Variants in MRPL13 observed in about 807,000 individuals in gnomAD.
The protein encoded by MRPL13 is large ribosomal subunit protein uL13m.
MRPL13 carries 33 observed loss-of-function variants against 29.0 expected under a neutral mutation model. That is an observed-to-expected ratio of 1.14 (90% CI 0.86 to 1.52). The LOEUF (loss-of-function observed/expected upper bound fraction) is 1.52, where lower values mean the gene tolerates loss of function less well. MRPL13 is among the 40% of genes most tolerant of loss of function. The pLI is 0.00. For synonymous variants in MRPL13, 77 were observed against 68.4 expected (o/e 1.13, Z -0.62); for missense variants, 227 against 216.7 (o/e 1.05, Z -0.30).
rs1318042559 is a variant in MRPL13 at position 120,445,104 on chromosome 8, C to T, written c.-10G>A. 2 of 1,613,860 alleles carry T rather than the reference C, an allele frequency of 1.2e-6. No homozygotes were observed. The highest frequency in any genetic ancestry group is 4.5e-5 in the East Asian group (2 of 44,688). On this transcript the variant is annotated 5_prime_UTR_variant, in exon 1 of 7. Transcript: ENST00000306185. The stretch of plus-strand genomic sequence containing the variant: ...TAGAGAAACTCGACATATTCCTCTA[C>T]TAGCAGGACCGTACGTCCTTCTCCT...
chr8:120,437,118 T>C lies in MRPL13; in HGVS notation c.152-4995A>G, dbSNP rs572204473. ...TCCTTCAGTGCTTTGTAGGATGATA[T>C]TCTAGGAGTGAGGTGAAGTATAAAT... On this transcript the variant is annotated intron_variant, in intron 2 of 6. Coordinates refer to ENST00000306185, the MANE Select transcript of MRPL13 (RefSeq NM_014078.6). 2.6e-4 allele frequency among the ~76,000 whole-genome samples: 40 copies of C among 152,280 alleles called. No individual in the cohort carries two copies. The South Asian group carries it at 8.1e-3, about 31-fold the overall frequency.
intron 2 of MRPL13, among the ~76,000 whole-genome samples, chr8:120,436,504 GT>G (rs919994941): frequency 8.6e-5 from 13 of 151,928 alleles, no homozygotes; most frequent in Admixed American, 3.3e-4. Context: ...TAGATTGTTT[GT>G]TTTTTTACTG....
intron 2 of MRPL13, among the ~76,000 whole-genome samples, chr8:120,438,815 C>T (rs549567139): frequency 5.3e-5 from 8 of 152,094 alleles, no homozygotes; most frequent in Non-Finnish European, 8.8e-5. Context: ...TTAGTTTACT[C>T]GACTGTCAAT....
intron 6 of MRPL13, among the ~76,000 whole-genome samples, chr8:120,413,315 T>C (rs1812762106): frequency 1.3e-5 from 2 of 152,156 alleles, no homozygotes; most frequent in Non-Finnish European, 2.9e-5. Context: ...GAAAGACAGA[T>C]AGTAAACAGA....
intron 6 of MRPL13, among the ~76,000 whole-genome samples, chr8:120,399,697 C>G (rs1385025683): frequency 6.6e-6 from 1 of 152,186 alleles, no homozygotes. Flanking sequence ...CACAGAATGG[C>G]AAACCGGATA....
intron 5 of MRPL13, chr8:120,415,616 T>C (rs1586921362): frequency 6.6e-6 from 1 of 152,168 alleles, no homozygotes; most frequent in Non-Finnish European, 1.5e-5. Context: ...ATAGGCTGGG[T>C]CACTATCAAC....
intron 2 of MRPL13, among the ~76,000 whole-genome samples, chr8:120,440,809 A>G (rs1264012308): frequency 6.6e-6 from 1 of 151,986 alleles, no homozygotes; most frequent in Non-Finnish European, 1.5e-5. Context: ...CAGAAATTTC[A>G]TTTGGAAAAG....
intron 2 of MRPL13, among the ~76,000 whole-genome samples, chr8:120,434,527 T>G (rs1462494697): frequency 6.6e-6 from 1 of 152,116 alleles, no homozygotes; most frequent in Admixed American, 6.6e-5. Context: ...CAAAGGCAGA[T>G]CTTACCATTT....
At chr8:120,398,484 A>G (rs1258125833) in intron 6 of MRPL13, among the ~76,000 whole-genome samples, 1 of 152,198 alleles carries the variant, frequency 6.6e-6, no homozygotes, top group Non-Finnish European at 1.5e-5. Flanking sequence ...GACCCCACAA[A>G]ACCCCACTGA....
At chr8:120,440,475 T>C (rs1240619111) in intron 2 of MRPL13, among the ~76,000 whole-genome samples, 5 of 151,868 alleles carry the variant, frequency 3.3e-5, no homozygotes, top group Non-Finnish European at 7.4e-5. Context: ...TGTGGTGGCA[T>C]ATGCCTGTAA....
At chr8:120,414,249 A>T in intron 5 of MRPL13, 137 bp from the exon 6 acceptor site, 1 of 703,482 alleles carries the variant, frequency 1.4e-6, no homozygotes. Context: ...CTTTAAAATA[A>T]AAACCTTATA....
chr8:120,418,563 T>C (rs1296212585), intron 5 of MRPL13, among the ~76,000 whole-genome samples: 1 of 152,122 alleles, frequency 6.6e-6, no homozygotes, highest in East Asian at 1.9e-4. Flanking sequence ...CAATTCACTT[T>C]TGGGAACTAG....
At chr8:120,404,255 A>G (rs79351828) in intron 6 of MRPL13, among the ~76,000 whole-genome samples, 107 of 152,328 alleles carry the variant, frequency 7.0e-4, no homozygotes, top group African/African-American at 2.4e-3. Flanking sequence ...AGAAGTCTGC[A>G]ACTCCACTCA....
At position 120,425,351 on chromosome 8, in the gene MRPL13, A is replaced by G; in HGVS notation, c.261T>C (p.Phe87=). The change falls in exon 4 of 7, where the codon TTT becomes TTC. Residue 87 remains phenylalanine, a synonymous_variant. Coordinates refer to ENST00000306185, the MANE Select transcript of MRPL13 (RefSeq NM_014078.6). The part of the protein sequence containing the change: ...YSSHTGYPGG[F]RQVTAAQLHL... ...GAAGCTGAGCAGCTGTTACTTGTCT[A>G]AATCCACCTGGGTAGCTGTTAAAAG... is the stretch of plus-strand genomic sequence containing the variant. 6.2e-7 allele frequency: 1 copy of G among 1,612,524 alleles called. No homozygotes were observed.
At chr8:120,400,697 AAAATAAATAAATAAATAAAT>A (rs199590776) in intron 6 of MRPL13, among the ~76,000 whole-genome samples, 6 of 132,068 alleles carry the variant, frequency 4.5e-5, no homozygotes, top group African/African-American at 5.8e-5. Context: ...GGTTTTTTGG[AAAATAAATAAATAAATAAAT>A]AAATAAATAA....
intron 6 of MRPL13, among the ~76,000 whole-genome samples, chr8:120,405,883 A>C (rs1812660569): frequency 1.3e-5 from 2 of 152,222 alleles, no homozygotes; most frequent in African/African-American, 4.8e-5. Context: ...CATCTAGCAC[A>C]TTACTTTTCA....
chr8:120,396,301 G>T lies in MRPL13; in HGVS notation c.516-176C>A, dbSNP rs371375575. 7.2e-4 allele frequency among the ~76,000 whole-genome samples: 110 copies of T among 151,804 alleles called. 1 individual carries two copies. Among genetic ancestry groups the T allele is most frequent in the African/African-American group, 2.5e-3 (105 of 41,404 alleles). On this transcript the variant is annotated intron_variant, in intron 6 of 6. Transcript: ENST00000306185. ...ATTAACATCAAATCTTTATAAAGTAGAACAGTTAAGTGACAACTCCAAAGT... is the reference window on the plus strand; with the variant it reads ...ATTAACATCAAATCTTTATAAAGTATAACAGTTAAGTGACAACTCCAAAGT...
At chr8:120,414,420 G>T (rs1812781270) in intron 5 of MRPL13, 1 of 160,014 alleles carries the variant, frequency 6.2e-6, no homozygotes, top group Admixed American at 6.5e-5. Context: ...ATATGTACTG[G>T]GTCTACCGGG....
At chr8:120,440,410 C>T (rs1293371344) in intron 2 of MRPL13, among the ~76,000 whole-genome samples, 1 of 152,036 alleles carries the variant, frequency 6.6e-6, no homozygotes, top group African/African-American at 2.4e-5. Flanking sequence ...AGTTCCAGAC[C>T]AGCCTGGCAA....
Sources: gnomAD v4.1 joint callset for allele counts (sites outside exome capture counted in the v4.1 genomes callset) on GRCh38, gnomAD v4.1.1 for gene constraint, MANE v1.5 for transcripts, NCBI Gene and HGNC (gene_info 2026-07-23, HGNC 2026-07-21) for gene names.